Variants in DCDC1 observed in about 807,000 individuals in gnomAD.
DCDC1 encodes the protein doublecortin domain-containing protein 1.
A neutral mutation model predicts 178.3 loss-of-function variants in DCDC1; 200 were observed. The ratio of observed to expected loss-of-function variants is 1.12; its 90% CI spans 1.00 to 1.26. DCDC1 has a LOEUF of 1.26. Ranked by LOEUF, DCDC1 falls within the 50% of genes most tolerant of loss-of-function variation. DCDC1 has a pLI of 0.00. For synonymous variants in DCDC1, 690 were observed against 604.8 expected, an observed-to-expected ratio of 1.14 and a Z score of -2.07; for missense variants, 1,983 against 1,749.2, an observed-to-expected ratio of 1.13 and a Z score of -2.38.
intron 21 of DCDC1, among the ~76,000 whole-genome samples, chr11:30,948,156 T>C (rs868666008): frequency 6.7e-4 from 102 of 152,196 alleles, no homozygotes; most frequent in African/African-American, 2.4e-3. Flanking sequence ...TTCTGCAAAG[T>C]CTCAGGATAC....
intron 20 of DCDC1, among the ~76,000 whole-genome samples, chr11:31,063,564 T>A (rs1049586040): frequency 4.6e-5 from 7 of 152,114 alleles, no homozygotes; most frequent in Non-Finnish European, 1.0e-4. Context: ...AAGTGACATT[T>A]CTATCTACAG....
chr11:31,245,287 T>C (rs1274785721), intron 8 of DCDC1, among the ~76,000 whole-genome samples: 1 of 151,532 alleles, frequency 6.6e-6, no homozygotes, highest in South Asian at 2.1e-4. Flanking sequence ...CTTTTGGAGT[T>C]TGAAGTCACG....
intron 1 of DCDC1, among the ~76,000 whole-genome samples, chr11:31,366,423 G>C (rs970785366): frequency 6.6e-6 from 1 of 152,060 alleles, no homozygotes; most frequent in Non-Finnish European, 1.5e-5. Flanking sequence ...ACCCAACTGG[G>C]GAATCAGAAT....
At chr11:31,016,550 T>A (rs1952496345) in intron 20 of DCDC1, among the ~76,000 whole-genome samples, 1 of 152,096 alleles carries the variant, frequency 6.6e-6, no homozygotes, top group Non-Finnish European at 1.5e-5. Flanking sequence ...ATGACTTGGG[T>A]TGCGGTGGGT....
At chr11:30,980,479 A>G (rs1950336762) in intron 20 of DCDC1, among the ~76,000 whole-genome samples, 2 of 152,190 alleles carry the variant, frequency 1.3e-5, no homozygotes, top group Admixed American at 1.3e-4. Flanking sequence ...TGAAAGGTAG[A>G]CAAGAGATAG....
chr11:30,934,201 C>T (rs781764011), intron 21 of DCDC1, among the ~76,000 whole-genome samples: 10 of 152,202 alleles, frequency 6.6e-5, no homozygotes, highest in Non-Finnish European at 1.0e-4. Flanking sequence ...TATTTGGTTT[C>T]GGGCCTTAAA....
chr11:31,276,577 T>C (rs1180507401), intron 7 of DCDC1, among the ~76,000 whole-genome samples: 1 of 152,110 alleles, frequency 6.6e-6, no homozygotes, highest in Non-Finnish European at 1.5e-5. Context: ...AGGCCAGCAT[T>C]TTACAAAAAT....
At chr11:31,140,882 C>A (rs1192484033) in intron 9 of DCDC1, among the ~76,000 whole-genome samples, 1 of 152,190 alleles carries the variant, frequency 6.6e-6, no homozygotes. Flanking sequence ...GTGTCAGGCA[C>A]TGTGCCCTCT....
At chr11:31,364,361 A>T (rs573417560) in intron 1 of DCDC1, among the ~76,000 whole-genome samples, 1 of 152,278 alleles carries the variant, frequency 6.6e-6, no homozygotes, top group East Asian at 1.9e-4. Flanking sequence ...AAAAGAGAAA[A>T]GGGCAAACAA....
intron 7 of DCDC1, among the ~76,000 whole-genome samples, chr11:31,275,084 A>T (rs1211436552): frequency 2.0e-5 from 3 of 152,204 alleles, no homozygotes; most frequent in Non-Finnish European, 2.9e-5. Context: ...CACCATATCC[A>T]GGTACTTGGC....
In DCDC1 at chr11:31,223,528, G is replaced by A. The variant is rs551107532; in HGVS notation, c.1221+17922C>T. On this transcript the variant is annotated intron_variant, in intron 9 of 38. Coordinates refer to ENST00000684477, the MANE Select transcript of DCDC1 (RefSeq NM_001387274.1). Reference sequence around the variant, plus strand: ...CCTGGAGAAATTTTAATACATGCACGTGAGTTTTACATAAAGTACACAAAT... The same window carrying A: ...CCTGGAGAAATTTTAATACATGCACATGAGTTTTACATAAAGTACACAAAT... 3.2e-4 allele frequency among the ~76,000 whole-genome samples: 48 copies of A among 152,088 alleles called. No individual in the cohort carries two copies. In the Middle Eastern group the frequency reaches 0.01, roughly 32 times the overall value.
chr11:31,352,535 G>A (rs1047620552), intron 1 of DCDC1, among the ~76,000 whole-genome samples: 1 of 152,074 alleles, frequency 6.6e-6, no homozygotes, highest in African/African-American at 2.4e-5. Context: ...TTCATAATTC[G>A]AGTAGTCAAG....
chr11:31,098,588 G>A (rs1271453886), intron 15 of DCDC1, among the ~76,000 whole-genome samples: 2 of 152,090 alleles, frequency 1.3e-5, no homozygotes, highest in African/African-American at 2.4e-5. Flanking sequence ...CAAGAATATC[G>A]GCTTTTGCCT....
intron 20 of DCDC1, among the ~76,000 whole-genome samples, chr11:30,972,559 G>A (rs927040451): frequency 1.3e-5 from 2 of 151,382 alleles, no homozygotes; most frequent in Non-Finnish European, 2.9e-5. Flanking sequence ...ACATAAATAA[G>A]AAAGAGAAAA....
chr11:30,952,301 A>T, intron 21 of DCDC1, 144 bp downstream of exon 21: 1 of 625,386 alleles, frequency 1.6e-6, no homozygotes, highest in East Asian at 3.0e-5. Context: ...TAATTAATTG[A>T]TAGAACAACA....
At chr11:31,311,412 G>A (rs1948767644) in intron 3 of DCDC1, among the ~76,000 whole-genome samples, 1 of 152,178 alleles carries the variant, frequency 6.6e-6, no homozygotes, top group Admixed American at 6.5e-5. Flanking sequence ...GATGAGCAGA[G>A]ACACTATATA....
At chr11:31,041,577 C>T (rs1954453125) in intron 20 of DCDC1, among the ~76,000 whole-genome samples, 1 of 152,096 alleles carries the variant, frequency 6.6e-6, no homozygotes, top group Non-Finnish European at 1.5e-5. Flanking sequence ...AGTAAGAATT[C>T]GGAACCAGGG....
intron 20 of DCDC1, among the ~76,000 whole-genome samples, chr11:31,036,639 T>G (rs1242823749): frequency 6.6e-6 from 1 of 152,188 alleles, no homozygotes; most frequent in African/African-American, 2.4e-5. Context: ...GTATTCATGG[T>G]GGATTGGTTC....
At chr11:30,914,032 T>C (rs529521787) in intron 27 of DCDC1, among the ~76,000 whole-genome samples, 9 of 152,326 alleles carry the variant, frequency 5.9e-5, no homozygotes, top group African/African-American at 1.9e-4. Context: ...AGAGTAAAGA[T>C]TTTTTATCTG....
Sources: allele counts gnomAD v4.1 joint callset (sites outside exome capture counted in the v4.1 genomes callset), GRCh38; gene constraint gnomAD v4.1.1; transcripts MANE v1.5; gene names NCBI Gene and HGNC (gene_info 2026-07-23, HGNC 2026-07-21).